Variants in EPB41L4B observed in about 807,000 individuals in gnomAD.
The protein encoded by EPB41L4B is erythrocyte membrane protein band 4.1 like 4B.
Under a neutral mutation model 112.5 loss-of-function variants are expected in EPB41L4B, and 30 were observed. The observed-to-expected ratio is 0.27, with a 90% CI of 0.20 to 0.36. The LOEUF (loss-of-function observed/expected upper bound fraction) is 0.36, where lower values mean the gene tolerates loss of function less well. Ranked by LOEUF, EPB41L4B falls within the 10% of genes least tolerant of loss-of-function variation. EPB41L4B has a pLI of 1.00. For missense variants in EPB41L4B, 1,024 were observed against 1,133.3 expected (o/e 0.90, Z 1.38); for synonymous variants, 408 against 439.7 (o/e 0.93, Z 0.90).
intron 2 of EPB41L4B, among the ~76,000 whole-genome samples, chr9:109,273,175 A>T (rs1202977679): frequency 6.6e-6 from 1 of 152,076 alleles, no homozygotes; most frequent in Non-Finnish European, 1.5e-5. Flanking sequence ...CAGTATTTGC[A>T]CGTGGGCAGG....
At chr9:109,259,525 C>G (rs1303265302) in intron 6 of EPB41L4B, among the ~76,000 whole-genome samples, 1 of 152,196 alleles carries the variant, frequency 6.6e-6, no homozygotes, top group African/African-American at 2.4e-5. Context: ...GGCCTCAGCT[C>G]TAGGAGGCCG....
chr9:109,228,956 G>T (rs578007922), intron 15 of EPB41L4B, among the ~76,000 whole-genome samples: 2 of 152,108 alleles, frequency 1.3e-5, no homozygotes, highest in Non-Finnish European at 2.9e-5. Flanking sequence ...ATGACATTTT[G>T]AAATTGGATT....
At chr9:109,310,077 GT>G (rs147249619) in intron 1 of EPB41L4B, among the ~76,000 whole-genome samples, 1 of 151,860 alleles carries the variant, frequency 6.6e-6, no homozygotes, top group African/African-American at 2.4e-5. Context: ...TCAAAGCGGT[GT>G]TTTTTTTCCC....
At chr9:109,240,855 C>T in intron 15 of EPB41L4B, 2 of 985,416 alleles carry the variant, frequency 2.0e-6, no homozygotes, top group Non-Finnish European at 2.4e-6. Context: ...AAGTTAGCAG[C>T]ACCAATCATT....
intron 2 of EPB41L4B, among the ~76,000 whole-genome samples, chr9:109,276,048 A>T (rs113360459): frequency 7.0e-6 from 1 of 142,232 alleles, no homozygotes; most frequent in Non-Finnish European, 1.6e-5. Flanking sequence ...TATATATATA[A>T]AATATATGTA....
intron 15 of EPB41L4B, among the ~76,000 whole-genome samples, chr9:109,233,456 G>A (rs913157792): frequency 3.3e-5 from 5 of 150,766 alleles, no homozygotes; most frequent in African/African-American, 1.2e-4. Context: ...CTATCTTTAT[G>A]TTGCCCACAT....
rs748947662 is a variant in EPB41L4B, at chr9:109,210,658, G to A, written c.1753-2609C>T. On this transcript the variant is annotated intron_variant, in intron 17 of 25. Transcript: ENST00000374566. ...GTAATATTCTGCTATATGAACTGAC[G>A]CAGGTGAAGGCCAATATACATTTTG... Among the ~76,000 whole-genome samples the A allele has an allele frequency of 8.5e-4, 130 of 152,250 alleles. 2 individuals carry two copies. Among genetic ancestry groups the A allele is most frequent in the Non-Finnish European group, 1.5e-3 (103 of 68,022 alleles).
At position 109,255,772 on chromosome 9, in the gene EPB41L4B, A is replaced by G; in HGVS notation, c.999+2T>C. ...GGGGGAAGAAATGGGAGCCAGGCCT[A>G]CCTGATCATCATCCTCGACCACCAC... On this transcript the variant is annotated splice_donor_variant, in intron 10 of 25. Coordinates refer to ENST00000374566, the MANE Select transcript of EPB41L4B (RefSeq NM_019114.5). LOFTEE classifies it high-confidence loss of function. 2 of 1,613,706 alleles carry G rather than the reference A, an allele frequency of 1.2e-6. No homozygotes were observed. The highest frequency in any genetic ancestry group is 1.7e-6 in the Non-Finnish European group (2 of 1,179,882).
Position 109,174,496 on chromosome 9 carries a change from G to A in EPB41L4B, c.*58C>T, listed in dbSNP as rs760030873. The A allele has an allele frequency of 9.9e-6, 15 of 1,507,732 alleles. No individual in the cohort carries two copies. Among genetic ancestry groups the A allele is most frequent in the African/African-American group, 2.7e-5 (2 of 72,760 alleles). 93.4% of individuals were successfully genotyped at this position (1,507,732 alleles called of 1,614,324 possible). On this transcript the variant is annotated 3_prime_UTR_variant, in exon 26 of 26. Transcript: ENST00000374566. ...GTGCTAGAGTGAGCACACAAAGCCC[G>A]AAGAAAGAAGACGGACAGAAGGCAC...
intron 1 of EPB41L4B, among the ~76,000 whole-genome samples, chr9:109,311,369 G>A (rs1837407213): frequency 6.6e-6 from 1 of 152,176 alleles, no homozygotes; most frequent in African/African-American, 2.4e-5. Context: ...GCATGGAAAA[G>A]AAACCACAGA....
At chr9:109,276,377 G>A (rs980754938) in intron 2 of EPB41L4B, among the ~76,000 whole-genome samples, 2 of 152,052 alleles carry the variant, frequency 1.3e-5, no homozygotes, top group Admixed American at 1.3e-4. Context: ...AACAGCAGAA[G>A]GAGAAACAGC....
intron 2 of EPB41L4B, among the ~76,000 whole-genome samples, chr9:109,277,924 C>T (rs575929151): frequency 2.6e-5 from 4 of 152,204 alleles, no homozygotes; most frequent in Admixed American, 6.5e-5. Context: ...ACAGGACACA[C>T]GAGAATCTAT....
In EPB41L4B at chr9:109,213,770, A is replaced by G; in HGVS notation, c.1682T>C (p.Leu561Pro). 4 of 1,614,178 alleles carry G rather than the reference A, an allele frequency of 2.5e-6. No individual in the cohort carries two copies. Among genetic ancestry groups the G allele is most frequent in the Non-Finnish European group, 3.4e-6 (4 of 1,180,026 alleles). The stretch of plus-strand genomic sequence containing the variant: ...CACAGTTTCCAGTTCCAGCTTCTTT[A>G]GATGGGCAGCGGCTTCACTGAACAA... The part of the protein sequence containing the change: ...PALFSEAAAH[L>P]KKLELETVKA... Residue 561 changes from leucine to proline, a missense_variant, in exon 17 of 26, where the codon CTA (leucine) becomes CCA (proline). By Grantham distance (98) the Leu-to-Pro change is moderately conservative. Coordinates refer to ENST00000374566, the MANE Select transcript of EPB41L4B (RefSeq NM_019114.5).
At chr9:109,291,494 A>C (rs868536048) in intron 1 of EPB41L4B, among the ~76,000 whole-genome samples, 73 of 152,292 alleles carry the variant, frequency 4.8e-4, no homozygotes, top group African/African-American at 1.7e-3. Flanking sequence ...AAACTAACAC[A>C]GAGGCCAAGA....
intron 1 of EPB41L4B, among the ~76,000 whole-genome samples, chr9:109,306,095 G>A (rs1213856408): frequency 6.6e-6 from 1 of 152,174 alleles, no homozygotes; most frequent in East Asian, 1.9e-4. Context: ...GTCTAGTTTT[G>A]TATTTACTAG....
chr9:109,235,555 G>A lies in EPB41L4B; in HGVS notation c.1409+8063C>T, dbSNP rs184178748. Among the ~76,000 whole-genome samples the A allele has an allele frequency of 5.9e-5, 9 of 151,882 alleles. 1 individual carries two copies. The highest frequency in any genetic ancestry group is 1.9e-4 in the African/African-American group (8 of 41,408). ...GGACTACACAGGCACACACCACCACGCCCGGCTAGTTTTTGCATTTTTAGT... is the reference window on the plus strand; with the variant it reads ...GGACTACACAGGCACACACCACCACACCCGGCTAGTTTTTGCATTTTTAGT... On this transcript the variant is annotated intron_variant, in intron 15 of 25. Transcript: ENST00000374566.
intron 5 of EPB41L4B, among the ~76,000 whole-genome samples, chr9:109,263,988 C>T (rs978053220): frequency 4.0e-5 from 6 of 151,898 alleles, no homozygotes; most frequent in Non-Finnish European, 7.4e-5. Context: ...AAGACAATTT[C>T]TAGAGTTACA....
At chr9:109,187,277 G>A (rs983010384) in intron 22 of EPB41L4B, among the ~76,000 whole-genome samples, 2 of 152,194 alleles carry the variant, frequency 1.3e-5, no homozygotes, top group South Asian at 4.1e-4. Context: ...CGTCTCCAAA[G>A]TGATCTATCT....
At position 109,247,747 on chromosome 9, in the gene EPB41L4B, G is replaced by C; in HGVS notation, c.1344+9C>G. ...TCTTTAAAGAAAACCTTTAAAAGCA[G>C]TATCTTACCTGGTAATTATGGACTT... On this transcript the variant is annotated intron_variant, in intron 14 of 25. Transcript: ENST00000374566. The C allele has an allele frequency of 6.8e-7, 1 of 1,464,978 alleles. No homozygotes were observed. Among genetic ancestry groups the C allele is most frequent in the Non-Finnish European group, 9.1e-7 (1 of 1,104,972 alleles). 90.7% of individuals were successfully genotyped at this position (1,464,978 alleles called of 1,614,324 possible). A position where few individuals can be genotyped will look rare whatever the true frequency, so the allele number is the denominator to read the frequency against.
Sources: allele counts gnomAD v4.1 joint callset (sites outside exome capture counted in the v4.1 genomes callset), GRCh38; gene constraint gnomAD v4.1.1; transcripts MANE v1.5; gene names NCBI Gene and HGNC (gene_info 2026-07-23, HGNC 2026-07-21).